The following SRSF4 variants were observed in gnomAD, a reference collection of about 807,000 sequenced individuals.
SRSF4 encodes serine and arginine rich splicing factor 4, also known as serine/arginine-rich splicing factor 4.
SRSF4 carries 12 observed loss-of-function variants against 48.8 expected under a neutral mutation model. The ratio of observed to expected loss-of-function variants is 0.25; its 90% CI spans 0.16 to 0.40. The LOEUF (loss-of-function observed/expected upper bound fraction) is 0.40, where lower values mean the gene tolerates loss of function less well. Among genes scored for constraint, SRSF4 ranks in the 10% least tolerant of loss-of-function variants. The pLI is 1.00. For synonymous variants in SRSF4, 248 were observed against 232.5 expected (o/e 1.07, Z -0.61); for missense variants, 466 against 667.1 (o/e 0.70, Z 3.32).
chr1:29,181,885 A>T lies in SRSF4; in HGVS notation c.-133T>A. The T allele has an allele frequency of 1.6e-6, 1 of 622,554 alleles. No individual in the cohort carries two copies. Among genetic ancestry groups the T allele is most frequent in the South Asian group, 3.7e-5 (1 of 27,188 alleles). The allele number at this position is 622,554 out of a possible 1,614,324, so 38.6% of individuals were successfully genotyped here. On this transcript the variant is annotated 5_prime_UTR_variant, in exon 1 of 6. Transcript: ENST00000373795. Reference sequence around the variant, plus strand: ...GGACGGACGCAGCCGAACCCCGGCGACGTACGCGAGCACGCAGCTCGCGAG... The same window carrying T: ...GGACGGACGCAGCCGAACCCCGGCGTCGTACGCGAGCACGCAGCTCGCGAG...
At chr1:29,179,528 TA>T (rs920009428) in intron 1 of SRSF4, among the ~76,000 whole-genome samples, 9 of 152,164 alleles carry the variant, frequency 5.9e-5, no homozygotes, top group African/African-American at 2.2e-4. Flanking sequence ...CGTGGCTAAT[TA>T]AAAAAATTTT....
Position 29,159,385 on chromosome 1 carries a change from G to T in SRSF4, c.352C>A (p.Gln118Lys). The change falls in exon 3 of 6, where the codon CAA becomes AAA. Residue 118 changes from glutamine (Q) to lysine (K), a missense_variant. Gln to Lys is a moderately conservative substitution (Grantham distance 53). This residue lies in a region of SRSF4 where 64 missense variants were observed against 230.2 expected (regional missense o/e 0.28). Transcript: ENST00000373795. ...VENLSSRCSW[Q>K]DLKDYMRQAG... Reference sequence around the variant, plus strand: ...AATGGGGCCCAAACCTTTAGGTCTTGCCAGCTGCACCGACTTGACAAATTC... The same window carrying T: ...AATGGGGCCCAAACCTTTAGGTCTTTCCAGCTGCACCGACTTGACAAATTC... 1 of 1,613,618 alleles carries T rather than the reference G, an allele frequency of 6.2e-7. No homozygotes were observed. Among genetic ancestry groups the T allele is most frequent in the Non-Finnish European group, 8.5e-7 (1 of 1,179,708 alleles).
chr1:29,164,526 G>A (rs1392182789), intron 1 of SRSF4, among the ~76,000 whole-genome samples: 1 of 152,224 alleles, frequency 6.6e-6, no homozygotes, highest in Non-Finnish European at 1.5e-5. Flanking sequence ...GTATGCACGT[G>A]TGTACATATA....
At position 29,148,449 on chromosome 1, in the gene SRSF4, C is replaced by T. The variant is rs138994362; in HGVS notation, c.1446G>A (p.Ser482=). ...SKSRSRSASR[S]PSRSRSRSHS... ...GGGACCTAGATCTAGATCGGGAGGG[C>T]GATCTGGAAGCAGACCTGGATCTAG... The change falls in exon 6 of 6, where the codon TCG becomes TCA. Residue 482 remains serine, a synonymous_variant. Coordinates refer to ENST00000373795, the MANE Select transcript of SRSF4 (RefSeq NM_005626.5). The T allele has an allele frequency of 2.2e-4, 361 of 1,609,850 alleles. No individual in the cohort carries two copies. The highest frequency in any genetic ancestry group is 2.1e-3 in the Middle Eastern group (13 of 6,070).
At chr1:29,171,288 G>C (rs1672741196) in intron 1 of SRSF4, 1 of 151,436 alleles carries the variant, frequency 6.6e-6, no homozygotes, top group African/African-American at 2.4e-5. Flanking sequence ...CCTCTACAGA[G>C]ACTAAAGGCT....
rs768992651 is a variant in SRSF4 at position 29,149,234 on chromosome 1, G to A, written c.669-8C>T. The A allele has an allele frequency of 2.5e-6, 4 of 1,604,098 alleles. No individual in the cohort carries two copies. The Admixed American group carries it at 6.7e-5, about 27-fold the overall frequency. On this transcript the variant is annotated splice_polypyrimidine_tract_variant and splice_region_variant and intron_variant, in intron 5 of 5. Coordinates refer to ENST00000373795, the MANE Select transcript of SRSF4 (RefSeq NM_005626.5). ...CGGGAGCGGGAGCCCGACCTGAGGA[G>A]ACATGGGATACTGTTTGTGTCACAT...
intron 1 of SRSF4, among the ~76,000 whole-genome samples, chr1:29,163,232 T>C (rs932723888): frequency 6.6e-6 from 1 of 152,214 alleles, no homozygotes; most frequent in African/African-American, 2.4e-5. Context: ...AGTGGGTCAC[T>C]TGGTAAGCCT....
At chr1:29,158,150 A>G (rs1558388785) in intron 3 of SRSF4, among the ~76,000 whole-genome samples, 2 of 151,740 alleles carry the variant, frequency 1.3e-5, no homozygotes. Context: ...GCCTAGGCGA[A>G]AGGGCGAGAC....
chr1:29,171,211 T>A (rs193276891), intron 1 of SRSF4: 1 of 151,962 alleles, frequency 6.6e-6, no homozygotes, highest in East Asian at 1.9e-4. Flanking sequence ...AGTCTCCAAC[T>A]AAGGACAACA....
intron 4 of SRSF4, among the ~76,000 whole-genome samples, chr1:29,150,911 T>C (rs1466305369): frequency 7.9e-5 from 12 of 152,304 alleles, no homozygotes; most frequent in African/African-American, 2.6e-4. Context: ...ATCTCTCCCC[T>C]TGTTCAACAA....
intron 2 of SRSF4, 187 bp downstream of exon 2, chr1:29,160,187 CA>C: frequency 3.3e-6 from 2 of 606,466 alleles, no homozygotes; most frequent in South Asian, 6.2e-5. Flanking sequence ...AAGAAATTGT[CA>C]TTAGTTTAAT....
chr1:29,162,645 G>C (rs1170737619), intron 1 of SRSF4, among the ~76,000 whole-genome samples: 1 of 152,192 alleles, frequency 6.6e-6, no homozygotes, highest in Non-Finnish European at 1.5e-5. Flanking sequence ...AGGGACATTT[G>C]GCCTGGGCGT....
Position 29,148,012 on chromosome 1 carries a change from T to G in SRSF4, c.*398A>C. On this transcript the variant is annotated 3_prime_UTR_variant, in exon 6 of 6. Transcript: ENST00000373795. Reference sequence around the variant, plus strand: ...GGTAGGAAACTTAAGACTTAGCACTTTCACTAAATGGCATACATCGAAGGG... The same window carrying G: ...GGTAGGAAACTTAAGACTTAGCACTGTCACTAAATGGCATACATCGAAGGG... 2.2e-6 allele frequency: 1 copy of G among 453,096 alleles called. No homozygotes were observed. Among genetic ancestry groups the G allele is most frequent in the Non-Finnish European group, 4.5e-6 (1 of 224,330 alleles). 28.1% of individuals were successfully genotyped at this position (453,096 alleles called of 1,614,324 possible). A position where few individuals can be genotyped will look rare whatever the true frequency, so the allele number is the denominator to read the frequency against.
At chr1:29,174,409 G>A (rs1027689066) in intron 1 of SRSF4, among the ~76,000 whole-genome samples, 7 of 152,238 alleles carry the variant, frequency 4.6e-5, no homozygotes, top group Admixed American at 2.6e-4. Flanking sequence ...TATTATACAT[G>A]CATAAAATAG....
chr1:29,158,467 C>T (rs1382528800), intron 3 of SRSF4, among the ~76,000 whole-genome samples: 7 of 149,296 alleles, frequency 4.7e-5, no homozygotes, highest in African/African-American at 7.4e-5. Flanking sequence ...TCCTGCTCTA[C>T]TGCCCAGGCT....
Position 29,148,731 on chromosome 1 carries a change from C to G in SRSF4, c.1164G>C (p.Ala388=), listed in dbSNP as rs777270445. 1.6e-5 allele frequency: 26 copies of G among 1,613,724 alleles called. No homozygotes were observed. Among genetic ancestry groups the G allele is most frequent in the Non-Finnish European group, 2.1e-5 (25 of 1,179,900 alleles). ...CCTTCTTCTTCTTCTTGCTGCTGCC[C>G]GCCTTGCTGTCTCGCTTGCTGCCTC... The part of the protein sequence containing the change: ...RKRGSKRDSK[A]GSSKKKKKED... Residue 388 remains alanine, a synonymous_variant, in exon 6 of 6, where the codon GCG becomes GCC. Coordinates refer to ENST00000373795, the MANE Select transcript of SRSF4 (RefSeq NM_005626.5).
chr1:29,156,139 G>A (rs1388852402), intron 3 of SRSF4, among the ~76,000 whole-genome samples: 1 of 152,152 alleles, frequency 6.6e-6, no homozygotes, highest in Admixed American at 6.5e-5. Context: ...GAGATCACCT[G>A]AGGTCAGGAG....
At chr1:29,167,821 C>T (rs1187048434) in intron 1 of SRSF4, among the ~76,000 whole-genome samples, 3 of 152,150 alleles carry the variant, frequency 2.0e-5, no homozygotes, top group Non-Finnish European at 4.4e-5. Flanking sequence ...AATAATTTAT[C>T]CATAATATTT....
chr1:29,154,572 C>T (rs1483398861), intron 4 of SRSF4, 124 bp downstream of exon 4: 5 of 915,850 alleles, frequency 5.5e-6, no homozygotes, highest in Non-Finnish European at 8.1e-6. Context: ...GTTCAAAATT[C>T]TAAGTTATTG....
Sources: gnomAD v4.1 joint callset for allele counts (sites outside exome capture counted in the v4.1 genomes callset) on GRCh38, gnomAD v4.1.1 for gene constraint, gnomAD v4.1.1 regional missense constraint, MANE v1.5 for transcripts, NCBI Gene and HGNC (gene_info 2026-07-23, HGNC 2026-07-21) for gene names.